Variants in NLGN4Y observed in about 807,000 individuals in gnomAD.
NLGN4Y encodes the protein neuroligin 4 Y-linked.
A neutral mutation model predicts 8.4 loss-of-function variants in NLGN4Y; 4 were observed. The observed-to-expected ratio is 0.48, with a 90% confidence interval of 0.23 to 1.09. The LOEUF is 1.09. Among genes scored for constraint, NLGN4Y ranks in the 50% least tolerant of loss-of-function variants. The pLI, the probability that NLGN4Y is intolerant of heterozygous loss-of-function variation, is 0.19. For synonymous variants in NLGN4Y, 35 were observed against 75.6 expected, an observed-to-expected ratio of 0.46 and a Z score of 2.78; for missense variants, 90 against 192.3, an observed-to-expected ratio of 0.47 and a Z score of 3.15.
intron 2 of NLGN4Y, among the ~76,000 whole-genome samples, chrY:14,670,882 A>G (rs1012597995): frequency 1.8e-4 from 6 of 33,457 alleles, no homozygotes; most frequent in African/African-American, 7.0e-4. Context: ...ATGTGTGTGT[A>G]GGTGTATGCT....
intron 2 of NLGN4Y, among the ~76,000 whole-genome samples, chrY:14,697,261 T>C (rs2080831706): frequency 6.8e-5 from 2 of 29,274 alleles, no homozygotes; most frequent in African/African-American, 2.6e-4. Flanking sequence ...TGATAGATAA[T>C]AGATGTGAAT....
chrY:14,651,566 C>G, intron 2 of NLGN4Y, among the ~76,000 whole-genome samples: 1 of 33,118 alleles, frequency 3.0e-5, no homozygotes, highest in Non-Finnish European at 7.5e-5. Context: ...AGCAGCTTTT[C>G]TGTTAAATTA....
intron 2 of NLGN4Y, among the ~76,000 whole-genome samples, chrY:14,669,736 TG>T (rs2080704050): frequency 3.0e-5 from 1 of 33,760 alleles, no homozygotes; most frequent in African/African-American, 1.2e-4. Context: ...CTTTATATCA[TG>T]GAGCAACTCA....
At chrY:14,644,906 C>G in intron 2 of NLGN4Y, among the ~76,000 whole-genome samples, 1 of 33,051 alleles carries the variant, frequency 3.0e-5, no homozygotes, top group East Asian at 8.1e-4. Flanking sequence ...GTTCTGACAC[C>G]TGATGTAAAG....
chrY:14,788,421 G>A, intron 4 of NLGN4Y, among the ~76,000 whole-genome samples: 1 of 33,055 alleles, frequency 3.0e-5, no homozygotes, highest in Admixed American at 2.8e-4. Flanking sequence ...ATCAGGTTGC[G>A]GGTCCTGCTT....
chrY:14,777,221 A>G lies in NLGN4Y; in HGVS notation c.686-46967A>G, dbSNP rs1603503885. Among the ~76,000 whole-genome samples the G allele has an allele frequency of 8.8e-5, 3 of 33,932 alleles. No individual in the cohort carries two copies. The South Asian group carries it at 1.9e-3, about 22-fold the overall frequency. 91.0% of individuals were successfully genotyped at this position (33,932 alleles called of 37,273 possible). On this transcript the variant is annotated intron_variant, in intron 4 of 6. Transcript: ENST00000684976. ...TTTGAAATTCTCATTGGTGATAGCT[A>G]TGTTTATTTTCTTACCTGACACATC...
intron 4 of NLGN4Y, among the ~76,000 whole-genome samples, chrY:14,737,732 T>C: frequency 3.1e-5 from 1 of 32,606 alleles, no homozygotes; most frequent in African/African-American, 1.2e-4. Context: ...ATTATATTGA[T>C]AATAAATAAG....
At chrY:14,699,365 T>C in intron 2 of NLGN4Y, among the ~76,000 whole-genome samples, 1 of 33,441 alleles carries the variant, frequency 3.0e-5, no homozygotes, top group African/African-American at 1.2e-4. Flanking sequence ...ATTTTACGTG[T>C]GGCCCAAGAC....
At chrY:14,747,429 C>T in intron 4 of NLGN4Y, among the ~76,000 whole-genome samples, 1 of 33,331 alleles carries the variant, frequency 3.0e-5, no homozygotes, top group Non-Finnish European at 7.4e-5. Flanking sequence ...ATGGAAGTTC[C>T]CTTAGTCCCT....
At chrY:14,720,908 T>C (rs374818808) in intron 3 of NLGN4Y, among the ~76,000 whole-genome samples, 1 of 33,413 alleles carries the variant, frequency 3.0e-5, no homozygotes, top group East Asian at 7.9e-4. Flanking sequence ...ATTTTGTCAG[T>C]ATTGAGCAAA....
intron 2 of NLGN4Y, among the ~76,000 whole-genome samples, chrY:14,673,380 A>G (rs2080731757): frequency 3.0e-5 from 1 of 33,682 alleles, no homozygotes; most frequent in Admixed American, 2.7e-4. Flanking sequence ...ACATGAACAG[A>G]CACTTCTCCA....
intron 4 of NLGN4Y, among the ~76,000 whole-genome samples, chrY:14,804,885 A>T: frequency 3.0e-5 from 1 of 33,642 alleles, no homozygotes; most frequent in South Asian, 6.6e-4. Context: ...CTAACAGGAG[A>T]TGGAGCTCAG....
At chrY:14,602,492 A>G in intron 1 of NLGN4Y, among the ~76,000 whole-genome samples, 1 of 32,974 alleles carries the variant, frequency 3.0e-5, no homozygotes, top group Admixed American at 2.8e-4. Context: ...TGCCCTTGCT[A>G]TGTTATTTCA....
chrY:14,763,545 T>A, intron 4 of NLGN4Y, among the ~76,000 whole-genome samples: 1 of 33,591 alleles, frequency 3.0e-5, no homozygotes, highest in African/African-American at 1.2e-4. Flanking sequence ...TTGTGACACA[T>A]AATCAACTTT....
At chrY:14,626,867 A>G in intron 2 of NLGN4Y, among the ~76,000 whole-genome samples, 1 of 32,956 alleles carries the variant, frequency 3.0e-5, no homozygotes, top group African/African-American at 1.2e-4. Context: ...ATTGCTGCAC[A>G]TACAATCCTC....
At position 14,841,196 on chromosome Y, in the gene NLGN4Y, T is replaced by C; in HGVS notation, c.2445T>C (p.Phe815=). Residue 815 remains phenylalanine (F), a synonymous_variant, in exon 7 of 7, where the codon TTT becomes TTC. Transcript: ENST00000684976. ...TGGGGATGCAGCCTTTACACACTTT[T>C]AAAACCTTCAGTGGAGGACAAAACA... ...TLMGMQPLHT[F]KTFSGGQNST... The C allele has an allele frequency of 5.0e-6, 2 of 398,473 alleles. No individual in the cohort carries two copies. Among genetic ancestry groups the C allele is most frequent in the Non-Finnish European group, 3.5e-6 (1 of 283,437 alleles).
At chrY:14,707,518 A>G (rs2080886265) in intron 2 of NLGN4Y, among the ~76,000 whole-genome samples, 2 of 32,164 alleles carry the variant, frequency 6.2e-5, no homozygotes, top group Non-Finnish European at 1.5e-4. Context: ...AATAAATGTC[A>G]ATTTTCTTTT....
intron 2 of NLGN4Y, among the ~76,000 whole-genome samples, chrY:14,635,471 A>G: frequency 3.0e-5 from 1 of 33,092 alleles, no homozygotes; most frequent in Non-Finnish European, 7.4e-5. Context: ...CGACTGCTTT[A>G]GGATTTCAGG....
intron 4 of NLGN4Y, among the ~76,000 whole-genome samples, chrY:14,780,068 G>A: frequency 4.6e-4 from 15 of 32,798 alleles, no homozygotes; most frequent in Admixed American, 1.1e-3. Flanking sequence ...CCATCTGCTC[G>A]TCTTCCAAGA....
Sources: allele counts gnomAD v4.1 joint callset (sites outside exome capture counted in the v4.1 genomes callset), GRCh38; gene constraint gnomAD v4.1.1; transcripts MANE v1.5; gene names NCBI Gene and HGNC (gene_info 2026-07-23, HGNC 2026-07-21).